Variants in CYTH1 observed in about 807,000 individuals in gnomAD.
The protein encoded by CYTH1 is cytohesin-1.
Under a neutral mutation model 61.8 loss-of-function variants are expected in CYTH1, and 18 were observed. The ratio of observed to expected loss-of-function variants is 0.29; its 90% CI spans 0.20 to 0.43. CYTH1 has a LOEUF of 0.43. Ranked by LOEUF, CYTH1 falls within the 20% of genes least tolerant of loss-of-function variation. The probability of loss-of-function intolerance (pLI) is 1.00; values close to 1 mark genes in which losing one functional copy is unlikely to be tolerated. For synonymous variants in CYTH1, 174 were observed against 184.3 expected (o/e 0.94, Z 0.45); for missense variants, 336 against 510.5 (o/e 0.66, Z 3.29).
At chr17:78,741,766 G>A (rs2093342816) in intron 1 of CYTH1, among the ~76,000 whole-genome samples, 1 of 152,264 alleles carries the variant, frequency 6.6e-6, no homozygotes, top group African/African-American at 2.4e-5. Flanking sequence ...TCTCACCCTT[G>A]CGTCTCCTGG....
intron 1 of CYTH1, among the ~76,000 whole-genome samples, chr17:78,721,041 A>T (rs955046971): frequency 9.9e-5 from 15 of 152,204 alleles, no homozygotes; most frequent in African/African-American, 3.4e-4. Flanking sequence ...TGTTAAAAGA[A>T]TTTACAACTG....
chr17:78,710,166 G>C (rs1338226534), intron 1 of CYTH1, among the ~76,000 whole-genome samples: 1 of 152,202 alleles, frequency 6.6e-6, no homozygotes, highest in Non-Finnish European at 1.5e-5. Flanking sequence ...GAGGTGGGGA[G>C]GGGAGGCAAG....
intron 13 of CYTH1, chr17:78,676,644 C>T (rs2092702550): frequency 3.5e-6 from 1 of 285,514 alleles, no homozygotes; most frequent in African/African-American, 2.2e-5. Flanking sequence ...TGCACCTGCT[C>T]AGTAACTAAG....
At chr17:78,713,023 C>G (rs1422299032) in intron 1 of CYTH1, among the ~76,000 whole-genome samples, 1 of 151,886 alleles carries the variant, frequency 6.6e-6, no homozygotes, top group Non-Finnish European at 1.5e-5. Flanking sequence ...AACCCTGCAC[C>G]CCCGCCAAAC....
intron 1 of CYTH1, among the ~76,000 whole-genome samples, chr17:78,744,121 A>T (rs2093351304): frequency 6.6e-6 from 1 of 152,156 alleles, no homozygotes; most frequent in Admixed American, 6.6e-5. Flanking sequence ...GGTATTTTTT[A>T]AAATAAATAT....
rs574885062 is a variant in CYTH1 at position 78,674,363 on chromosome 17, G to C, written c.*1728C>G. 3 of 152,230 alleles carry C rather than the reference G, an allele frequency of 2.0e-5. No individual in the cohort carries two copies. The allele number at this position is 152,230 out of a possible 1,614,324, so 9.4% of individuals were successfully genotyped here. Reference sequence around the variant, plus strand: ...GGCCAGCTGGACAGGCTCCAGCACCGGCCCAAACACGCCCAGACCTCGGCA... The same window carrying C: ...GGCCAGCTGGACAGGCTCCAGCACCCGCCCAAACACGCCCAGACCTCGGCA... On this transcript the variant is annotated 3_prime_UTR_variant, in exon 14 of 14. Coordinates refer to ENST00000446868, the MANE Select transcript of CYTH1 (RefSeq NM_004762.6).
At chr17:78,756,543 T>C (rs1177391518) in intron 1 of CYTH1, among the ~76,000 whole-genome samples, 1 of 152,178 alleles carries the variant, frequency 6.6e-6, no homozygotes, top group African/African-American at 2.4e-5. Context: ...TTAGTACCCC[T>C]AGTTTGCTAA....
At chr17:78,724,657 T>A (rs2093255636) in intron 1 of CYTH1, among the ~76,000 whole-genome samples, 1 of 152,156 alleles carries the variant, frequency 6.6e-6, no homozygotes, top group African/African-American at 2.4e-5. Flanking sequence ...TTGCTCTAGA[T>A]AAACAATGGA....
At chr17:78,692,212 G>A (rs960988097) in intron 11 of CYTH1, among the ~76,000 whole-genome samples, 1 of 152,052 alleles carries the variant, frequency 6.6e-6, no homozygotes, top group Non-Finnish European at 1.5e-5. Flanking sequence ...CTCTGAGCCC[G>A]TGCCCTTTAA....
chr17:78,761,582 C>T (rs1276258659), intron 1 of CYTH1, among the ~76,000 whole-genome samples: 1 of 151,982 alleles, frequency 6.6e-6, no homozygotes, highest in Admixed American at 6.6e-5. Context: ...ACTAAAAACA[C>T]AAAAAATCAG....
intron 1 of CYTH1, among the ~76,000 whole-genome samples, chr17:78,760,188 T>G (rs1373633188): frequency 6.6e-6 from 1 of 151,564 alleles, no homozygotes; most frequent in Admixed American, 6.6e-5. Context: ...CATGTTCATC[T>G]GCCTAGGACA....
chr17:78,698,836 G>C lies in CYTH1; in HGVS notation c.683C>G (p.Pro228Arg), dbSNP rs375897965. The C allele has an allele frequency of 1.3e-6, 2 of 1,582,522 alleles. No homozygotes were observed. Among genetic ancestry groups the C allele is most frequent in the Non-Finnish European group, 1.7e-6 (2 of 1,170,890 alleles). Residue 228 changes from proline (P) to arginine (R), a missense_variant, in exon 8 of 14, where the codon CCG becomes CGG. Physicochemically the swap from Pro to Arg is moderately radical, Grantham distance 103 (BLOSUM62 -2). Transcript: ENST00000446868. ...CTTGCTTACCCGGAGGAGCTCCTCC[G>C]GCAGGTCTCCCCCATCATTGATGCC... ...NRGINDGGDLPEELLRNLYES... is the reference protein window; with the variant it reads ...NRGINDGGDLREELLRNLYES...
Position 78,731,095 on chromosome 17 carries a change from T to C in CYTH1, c.23-21363A>G, listed in dbSNP as rs190895168. ...TAGTGTATTACCTAGGGCTACAGAA[T>C]CAACGCATCACATAGTCAGGAGAAA... On this transcript the variant is annotated intron_variant, in intron 1 of 13. Transcript: ENST00000446868. Among the ~76,000 whole-genome samples, 9 of 152,268 alleles carry C rather than the reference T, an allele frequency of 5.9e-5. No individual in the cohort carries two copies. The East Asian group carries it at 1.7e-3, about 29-fold the overall frequency.
chr17:78,676,048 G>A lies in CYTH1; in HGVS notation c.*43C>T, dbSNP rs1250057795. On this transcript the variant is annotated 3_prime_UTR_variant, in exon 14 of 14. Coordinates refer to ENST00000446868, the MANE Select transcript of CYTH1 (RefSeq NM_004762.6). ...TCCATGGAGGTGCGGGAGAAGAGCA[G>A]GAGCTCCAAGGCCCCCGCAGACCAA... 6.3e-7 allele frequency: 1 copy of A among 1,575,214 alleles called. No individual in the cohort carries two copies. The highest frequency in any genetic ancestry group is 1.2e-5 in the South Asian group (1 of 85,986).
Position 78,679,341 on chromosome 17 carries a change from G to A in CYTH1, c.1118+849C>T, listed in dbSNP as rs977023142. 2.6e-5 allele frequency among the ~76,000 whole-genome samples: 4 copies of A among 152,210 alleles called. No homozygotes were observed. In the East Asian group the frequency reaches 7.7e-4, roughly 29 times the overall value. On this transcript the variant is annotated intron_variant, in intron 13 of 13. Transcript: ENST00000446868. ...ACCAGGAGGGAGAGGGCAAGGCTGT[G>A]CTCTTAGGAGAAAGGATCACTGAGA...
intron 1 of CYTH1, among the ~76,000 whole-genome samples, chr17:78,721,367 G>A (rs1431905081): frequency 6.6e-6 from 1 of 152,122 alleles, no homozygotes; most frequent in Non-Finnish European, 1.5e-5. Context: ...ACACTACCCA[G>A]GACCAAAAAG....
chr17:78,729,118 T>C (rs144050768), intron 1 of CYTH1, among the ~76,000 whole-genome samples: 182 of 152,276 alleles, frequency 1.2e-3, no homozygotes, highest in Non-Finnish European at 1.9e-3. Context: ...AATTAACTTA[T>C]TATTTTTAGA....
chr17:78,738,575 T>C (rs1450313033), intron 1 of CYTH1, among the ~76,000 whole-genome samples: 1 of 152,120 alleles, frequency 6.6e-6, no homozygotes, highest in African/African-American at 2.4e-5. Context: ...CTTCATCACA[T>C]TCTCTTCTTT....
At chr17:78,697,484 T>G (rs1044397280) in intron 9 of CYTH1, among the ~76,000 whole-genome samples, 2 of 151,926 alleles carry the variant, frequency 1.3e-5, no homozygotes, top group African/African-American at 4.8e-5. Flanking sequence ...CGGCAAGGCA[T>G]GACCACAAAT....
Sources: gnomAD v4.1 joint callset for allele counts (sites outside exome capture counted in the v4.1 genomes callset) on GRCh38, gnomAD v4.1.1 for gene constraint, MANE v1.5 for transcripts, NCBI Gene and HGNC (gene_info 2026-07-23, HGNC 2026-07-21) for gene names.